Variants in UTS2B observed in about 807,000 individuals in gnomAD.
UTS2B encodes the protein urotensin-2B.
UTS2B carries 21 observed loss-of-function variants against 19.2 expected under a neutral mutation model. That is an observed-to-expected ratio of 1.09 (90% CI 0.78 to 1.58). The LOEUF is 1.58. Ranked by LOEUF, UTS2B falls within the 40% of genes most tolerant of loss-of-function variation. The pLI is 0.00. For synonymous variants in UTS2B, 57 were observed against 50.2 expected (o/e 1.14, Z -0.58); for missense variants, 138 against 130.3 (o/e 1.06, Z -0.29).
chr3:191,279,967 G>GGAAATATTTGAATAT (rs1427000108), intron 5 of UTS2B, among the ~76,000 whole-genome samples: 2 of 151,886 alleles, frequency 1.3e-5, no homozygotes, highest in Non-Finnish European at 2.9e-5. Context: ...TATTAATAAA[G>GGAAATATTTGAATAT]GAAATATTTG....
chr3:191,284,951 G>A (rs182254043), intron 4 of UTS2B, among the ~76,000 whole-genome samples: 51 of 152,174 alleles, frequency 3.4e-4, no homozygotes, highest in African/African-American at 9.6e-4. Flanking sequence ...GGAGCTTTTC[G>A]TGCTGAAAGA....
At chr3:191,273,773 C>G (rs568773440) in intron 8 of UTS2B, among the ~76,000 whole-genome samples, 2 of 152,214 alleles carry the variant, frequency 1.3e-5, no homozygotes, top group African/African-American at 2.4e-5. Context: ...TAAACAGAAA[C>G]TGTCCTTTGT....
chr3:191,291,562 C>T (rs1716718094), intron 4 of UTS2B, among the ~76,000 whole-genome samples: 1 of 152,066 alleles, frequency 6.6e-6, no homozygotes, highest in South Asian at 2.1e-4. Flanking sequence ...ATGCCATTCT[C>T]CTGCCTCAGC....
chr3:191,324,960 G>A (rs1007803653), intron 2 of UTS2B, among the ~76,000 whole-genome samples: 1 of 152,140 alleles, frequency 6.6e-6, no homozygotes, highest in African/African-American at 2.4e-5. Flanking sequence ...TGAGGCATGA[G>A]AATCGCTTGA....
intron 5 of UTS2B, among the ~76,000 whole-genome samples, chr3:191,279,824 A>C (rs1716335138): frequency 6.6e-6 from 1 of 152,128 alleles, no homozygotes; most frequent in South Asian, 2.1e-4. Flanking sequence ...TGATTTCTAA[A>C]GTAAGATATT....
chr3:191,308,522 A>G (rs1205232701), intron 3 of UTS2B, among the ~76,000 whole-genome samples: 4 of 152,096 alleles, frequency 2.6e-5, no homozygotes, highest in Non-Finnish European at 5.9e-5. Context: ...AAGTTTCTCA[A>G]TCTTGCAATT....
intron 4 of UTS2B, among the ~76,000 whole-genome samples, chr3:191,287,619 C>T (rs2108580668): frequency 6.6e-6 from 1 of 152,032 alleles, no homozygotes; most frequent in East Asian, 1.9e-4. Context: ...CACAATAAAG[C>T]CCCTATATGA....
chr3:191,315,878 C>G (rs1029692451), intron 3 of UTS2B, among the ~76,000 whole-genome samples, 158 bp downstream of exon 3: 4 of 152,204 alleles, frequency 2.6e-5, no homozygotes, highest in Admixed American at 1.3e-4. Flanking sequence ...GGTAAACATG[C>G]TGCCATATTT....
chr3:191,330,722 T>G (rs1431352596), upstream of UTS2B, among the ~76,000 whole-genome samples: 1 of 152,208 alleles, frequency 6.6e-6, no homozygotes, highest in Non-Finnish European at 1.5e-5. Flanking sequence ...TTGGAACCGC[T>G]TGTTTTATTG....
chr3:191,339,626 A>C, the UTS2B span, among the ~76,000 whole-genome samples: 7 of 152,148 alleles, frequency 4.6e-5, no homozygotes, highest in African/African-American at 1.7e-4. Flanking sequence ...AAATTTGGTG[A>C]TCTTCAAGAA....
At chr3:191,280,771 C>T (rs76756304) in intron 5 of UTS2B, among the ~76,000 whole-genome samples, 6,261 of 152,174 alleles carry the variant, frequency 0.041, 433 homozygotes, top group African/African-American at 0.14. Flanking sequence ...TTACCTAATC[C>T]TAATTTTGCA....
At chr3:191,336,734 T>G in the UTS2B span, among the ~76,000 whole-genome samples, 1 of 152,220 alleles carries the variant, frequency 6.6e-6, no homozygotes, top group Non-Finnish European at 1.5e-5. Flanking sequence ...GTACTCAGAC[T>G]TATGCAATTA....
At chr3:191,279,914 G>GA (rs11423962) in intron 5 of UTS2B, among the ~76,000 whole-genome samples, 100,715 of 151,764 alleles carry the variant, frequency 0.66, 33,549 homozygotes, top group African/African-American at 0.71. Flanking sequence ...AGCTTTAAAA[G>GA]AAAACACATA....
intron 5 of UTS2B, 51 bp downstream of exon 5, chr3:191,282,036 A>G (rs1716400726): frequency 7.8e-7 from 1 of 1,286,094 alleles, no homozygotes; most frequent in African/African-American, 1.5e-5. Flanking sequence ...TCAAATAGAA[A>G]TAGAAGAATT....
At chr3:191,289,451 A>T (rs7633432) in intron 4 of UTS2B, among the ~76,000 whole-genome samples, 45,969 of 101,784 alleles carry the variant, frequency 0.45, 7,996 homozygotes, top group Middle Eastern at 0.54. Context: ...AATAAATAAA[A>T]AACAAACGAA....
chr3:191,324,229 C>T (rs1717683956), intron 2 of UTS2B, among the ~76,000 whole-genome samples: 2 of 152,190 alleles, frequency 1.3e-5, no homozygotes, highest in Admixed American at 1.3e-4. Context: ...GATTCTCCAC[C>T]AGCAAGAAGG....
rs1717857351 is a variant in UTS2B, at chr3:191,329,382, C to T, written c.-664-673G>A. On this transcript the variant is annotated intron_variant, in intron 1 of 8. Transcript: ENST00000340524. ...GTCTCCTCTCTCCCTCCGTACTGGACGGCCCCGGTCCATTTCCGGGCTCCG... is the reference window on the plus strand; with the variant it reads ...GTCTCCTCTCTCCCTCCGTACTGGATGGCCCCGGTCCATTTCCGGGCTCCG... The T allele has an allele frequency of 2.9e-5, 11 of 382,628 alleles. No homozygotes were observed. In the South Asian group the frequency reaches 4.5e-4, roughly 16 times the overall value. 23.7% of individuals were successfully genotyped at this position (382,628 alleles called of 1,614,324 possible).
chr3:191,323,626 T>C (rs1717668050), intron 2 of UTS2B, among the ~76,000 whole-genome samples: 1 of 152,212 alleles, frequency 6.6e-6, no homozygotes, highest in Admixed American at 6.5e-5. Flanking sequence ...ATTAGCCATG[T>C]CTTGGCATCT....
the UTS2B span, among the ~76,000 whole-genome samples, chr3:191,335,681 G>GA: frequency 2.0e-5 from 3 of 151,648 alleles, no homozygotes; most frequent in East Asian, 1.9e-4. Context: ...TGAGAAAAAG[G>GA]AAAAAAAACA....
Sources: gnomAD v4.1 joint callset for allele counts (sites outside exome capture counted in the v4.1 genomes callset) on GRCh38, gnomAD v4.1.1 for gene constraint, MANE v1.5 for transcripts, NCBI Gene and HGNC (gene_info 2026-07-23, HGNC 2026-07-21) for gene names.